Variants in CSMD1 observed in about 807,000 individuals in gnomAD.
The protein encoded by CSMD1 is CUB and Sushi multiple domains 1.
A neutral mutation model predicts 417.5 loss-of-function variants in CSMD1; 213 were observed. That is an observed-to-expected ratio of 0.51 (90% CI 0.46 to 0.57). The LOEUF (loss-of-function observed/expected upper bound fraction) is 0.57. Ranked by LOEUF, CSMD1 falls within the 20% of genes least tolerant of loss-of-function variation. The pLI, the probability that CSMD1 is intolerant of heterozygous loss-of-function variation, is 0.00. For missense variants in CSMD1, 6,923 were observed against 4,529.7 expected (o/e 1.53, Z -15.17); for synonymous variants, 2,862 against 1,736.8 (o/e 1.65, Z -16.11).
At chr8:4,161,791 A>C (rs1187196708) in intron 3 of CSMD1, among the ~76,000 whole-genome samples, 1 of 152,194 alleles carries the variant, frequency 6.6e-6, no homozygotes, top group Non-Finnish European at 1.5e-5. Flanking sequence ...GTGCAAAAGA[A>C]ACAAAATTTG....
chr8:3,603,281 G>T (rs1037624079), intron 8 of CSMD1, among the ~76,000 whole-genome samples: 6 of 152,128 alleles, frequency 3.9e-5, no homozygotes, highest in Non-Finnish European at 8.8e-5. Context: ...AAAGCTACCT[G>T]CCTGCCTTCA....
intron 3 of CSMD1, among the ~76,000 whole-genome samples, chr8:4,087,307 A>T (rs28404954): frequency 0.03 from 4,583 of 152,100 alleles, 230 homozygotes; most frequent in African/African-American, 0.1. Flanking sequence ...CCTGCAGGTG[A>T]TTTTCCAGGG....
chr8:3,196,112 T>A (rs1796689451), intron 33 of CSMD1, among the ~76,000 whole-genome samples: 1 of 152,202 alleles, frequency 6.6e-6, no homozygotes, highest in Non-Finnish European at 1.5e-5. Flanking sequence ...AGATGGCGAC[T>A]AAAGTGACCT....
At chr8:3,464,885 T>C (rs1034922337) in intron 12 of CSMD1, among the ~76,000 whole-genome samples, 1 of 152,108 alleles carries the variant, frequency 6.6e-6, no homozygotes, top group Non-Finnish European at 1.5e-5. Flanking sequence ...CTTAACATGA[T>C]CTCCCTCAAG....
At chr8:3,091,420 G>C (rs1347353408) in intron 48 of CSMD1, 96 bp downstream of exon 48, 2 of 877,930 alleles carry the variant, frequency 2.3e-6, no homozygotes, top group African/African-American at 1.7e-5. Flanking sequence ...TTAAGAATTA[G>C]GATTATACTA....
chr8:4,884,288 T>G lies in CSMD1; in HGVS notation c.85+110044A>C, dbSNP rs560236228. On this transcript the variant is annotated intron_variant, in intron 1 of 69. Transcript: ENST00000635120. ...TTCTAGTTACAAGTATCTTACCAGATAGATGATTCGCCCAATTTATCTCCC... is the reference window on the plus strand; with the variant it reads ...TTCTAGTTACAAGTATCTTACCAGAGAGATGATTCGCCCAATTTATCTCCC... Among the ~76,000 whole-genome samples, 360 of 152,158 alleles carry G rather than the reference T, an allele frequency of 2.4e-3. 2 individuals are homozygous for G. Among genetic ancestry groups the G allele is most frequent in the South Asian group, 4.1e-3 (20 of 4,824 alleles).
intron 40 of CSMD1, among the ~76,000 whole-genome samples, chr8:3,149,580 C>T (rs1296620411): frequency 5.3e-5 from 8 of 152,124 alleles, no homozygotes; most frequent in African/African-American, 1.4e-4. Flanking sequence ...CGGGTTCAAG[C>T]GATTCTCTTG....
intron 25 of CSMD1, among the ~76,000 whole-genome samples, chr8:3,296,858 G>GT (rs947052492): frequency 2.0e-5 from 3 of 152,170 alleles, no homozygotes; most frequent in Admixed American, 2.0e-4. Context: ...GACCTGTTGA[G>GT]TTTAAGTTGT....
intron 5 of CSMD1, among the ~76,000 whole-genome samples, chr8:3,955,525 T>C (rs1811882799): frequency 6.6e-6 from 1 of 152,318 alleles, no homozygotes; most frequent in East Asian, 1.9e-4. Context: ...CAACCTCTAA[T>C]AAGTCAGTAG....
chr8:3,386,183 C>G (rs1418773413), intron 18 of CSMD1, among the ~76,000 whole-genome samples: 1 of 152,190 alleles, frequency 6.6e-6, no homozygotes, highest in Non-Finnish European at 1.5e-5. Context: ...CTCAGCTCAT[C>G]TGCACAAAAA....
intron 23 of CSMD1, among the ~76,000 whole-genome samples, chr8:3,343,034 G>T (rs1317185193): frequency 1.3e-5 from 2 of 152,044 alleles, no homozygotes; most frequent in African/African-American, 4.8e-5. Flanking sequence ...AAGCCCATCA[G>T]ATCTAAAATG....
At chr8:4,067,058 G>T (rs1237336344) in intron 3 of CSMD1, among the ~76,000 whole-genome samples, 2 of 152,214 alleles carry the variant, frequency 1.3e-5, no homozygotes, top group African/African-American at 4.8e-5. Flanking sequence ...GTTGCCACAT[G>T]GCGAAGACTG....
intron 5 of CSMD1, among the ~76,000 whole-genome samples, chr8:3,913,528 C>T (rs2975331): frequency 0.19 from 29,218 of 151,864 alleles, 3,221 homozygotes; most frequent in East Asian, 0.32. Flanking sequence ...AAGGATGGAG[C>T]GAGCCCTAGG....
chr8:4,732,353 G>GTGTGTGTGTGTC (rs1160126663), intron 1 of CSMD1, among the ~76,000 whole-genome samples: 64 of 146,370 alleles, frequency 4.4e-4, no homozygotes, highest in African/African-American at 1.6e-3. Context: ...GCGTGTGTGT[G>GTGTGTGTGTGTC]TGTGTGTGTG....
At chr8:3,222,110 T>C (rs1301762425) in intron 28 of CSMD1, among the ~76,000 whole-genome samples, 3 of 152,136 alleles carry the variant, frequency 2.0e-5, no homozygotes, top group African/African-American at 7.2e-5. Flanking sequence ...CACTGATTTC[T>C]GAAGTTTCTG....
intron 18 of CSMD1, among the ~76,000 whole-genome samples, chr8:3,370,518 G>A (rs575752821): frequency 6.6e-6 from 1 of 152,200 alleles, no homozygotes. Context: ...GTGCCAGTGT[G>A]ACTGGGCTAA....
intron 3 of CSMD1, among the ~76,000 whole-genome samples, chr8:4,390,019 T>C (rs953962511): frequency 6.6e-6 from 1 of 152,242 alleles, no homozygotes; most frequent in South Asian, 2.1e-4. Context: ...ATTACCAATT[T>C]GCTTTTCACA....
In CSMD1 at chr8:3,978,499, A is replaced by G. The variant is rs1813613521; in HGVS notation, c.818+19404T>C. ...ATGAATATGGGGACTTTACTTCAAT[A>G]CATTCTACCACGCAGCCTGAAACAC... On this transcript the variant is annotated intron_variant, in intron 5 of 69. Transcript: ENST00000635120. Among the ~76,000 whole-genome samples, 3 of 152,188 alleles carry G rather than the reference A, an allele frequency of 2.0e-5. No individual in the cohort carries two copies. The South Asian group carries it at 6.2e-4, about 31-fold the overall frequency.
At chr8:4,046,619 T>G (rs1469713749) in intron 3 of CSMD1, among the ~76,000 whole-genome samples, 3 of 152,082 alleles carry the variant, frequency 2.0e-5, no homozygotes, top group African/African-American at 7.2e-5. Flanking sequence ...TGAGTCTTGA[T>G]AATTCCATCA....
Sources: allele counts gnomAD v4.1 joint callset (sites outside exome capture counted in the v4.1 genomes callset), GRCh38; gene constraint gnomAD v4.1.1; transcripts MANE v1.5; gene names NCBI Gene and HGNC (gene_info 2026-07-23, HGNC 2026-07-21).